ECHDC1: variants seen among roughly 807,000 people sequenced by gnomAD.
The protein encoded by ECHDC1 is ethylmalonyl-CoA decarboxylase 1.
In ECHDC1, 29 loss-of-function variants were observed where a neutral mutation model predicts 29.7. The observed-to-expected ratio is 0.98, with a 90% CI of 0.73 to 1.33. ECHDC1 has a LOEUF of 1.33. Among genes scored for constraint, ECHDC1 ranks in the 40% most tolerant of loss-of-function variants. ECHDC1 has a pLI of 0.00. For synonymous variants in ECHDC1, 126 were observed against 123.1 expected (o/e 1.02, Z -0.15); for missense variants, 328 against 350.0 (o/e 0.94, Z 0.50).
intron 3 of ECHDC1, among the ~76,000 whole-genome samples, chr6:127,324,802 G>C (rs1360480937): frequency 6.6e-6 from 1 of 152,090 alleles, no homozygotes; most frequent in Non-Finnish European, 1.5e-5. Flanking sequence ...GCAACAAAAT[G>C]AATAATGCAT....
intron 3 of ECHDC1, among the ~76,000 whole-genome samples, chr6:127,325,580 C>T (rs914024255): frequency 6.6e-6 from 1 of 152,060 alleles, no homozygotes; most frequent in Non-Finnish European, 1.5e-5. Context: ...TTTCCTCCCA[C>T]CCCTTTTATT....
Position 127,290,258 on chromosome 6 carries a change from T to G in ECHDC1, c.517A>C (p.Lys173Gln). The change falls in exon 6 of 6, where the codon AAG (lysine) becomes CAG (glutamine). Residue 173 changes from lysine to glutamine, a missense_variant. Coordinates refer to ENST00000454859, the MANE Select transcript of ECHDC1 (RefSeq NM_001002030.2). ...ATCTCTTTGTGGACGAATCTGATCT[T>G]ACTCTCTGGAGTCATTAACCTGTAA... ...CDFRLMTPES[K>Q]IRFVHKEMGI... is the part of the protein sequence containing the mutation. 6.2e-7 allele frequency: 1 copy of G among 1,613,222 alleles called. No individual in the cohort carries two copies. Among genetic ancestry groups the G allele is most frequent in the Non-Finnish European group, 8.5e-7 (1 of 1,179,518 alleles).
intron 1 of ECHDC1, among the ~76,000 whole-genome samples, chr6:127,335,936 C>T (rs1167077063): frequency 4.6e-5 from 7 of 151,978 alleles, no homozygotes; most frequent in East Asian, 1.9e-4. Flanking sequence ...GAAAATGATA[C>T]GGTATTAACT....
chr6:127,319,826 TAAG>T (rs1421822599), intron 3 of ECHDC1, among the ~76,000 whole-genome samples: 1 of 152,114 alleles, frequency 6.6e-6, no homozygotes, highest in Non-Finnish European at 1.5e-5. Flanking sequence ...AAAACAAGGA[TAAG>T]AAGAACAATG....
chr6:127,317,100 A>G (rs1363530735), intron 3 of ECHDC1, among the ~76,000 whole-genome samples: 1 of 151,996 alleles, frequency 6.6e-6, no homozygotes. Context: ...AAATTAAATG[A>G]CTTTTCCTTA....
intron 5 of ECHDC1, among the ~76,000 whole-genome samples, chr6:127,314,344 A>G (rs1001749447): frequency 2.0e-5 from 3 of 152,188 alleles, no homozygotes; most frequent in Non-Finnish European, 4.4e-5. Context: ...TTAGTCCCTA[A>G]TCTTCCTGAA....
At chr6:127,304,202 G>C (rs923319856) in intron 5 of ECHDC1, among the ~76,000 whole-genome samples, 2 of 152,188 alleles carry the variant, frequency 1.3e-5, no homozygotes, top group Non-Finnish European at 2.9e-5. Context: ...CAGAGAGAGA[G>C]AGAGATGTCA....
At chr6:127,303,379 C>T (rs1302269340) in intron 5 of ECHDC1, among the ~76,000 whole-genome samples, 1 of 152,110 alleles carries the variant, frequency 6.6e-6, no homozygotes, top group Non-Finnish European at 1.5e-5. Flanking sequence ...AGTGCTAATC[C>T]AGTGAACACA....
intron 5 of ECHDC1, among the ~76,000 whole-genome samples, chr6:127,306,730 C>T (rs570003414): frequency 6.6e-6 from 1 of 152,162 alleles, no homozygotes; most frequent in South Asian, 2.1e-4. Flanking sequence ...TTCTTTATAG[C>T]AATGCAAGAA....
At position 127,341,312 on chromosome 6, in the gene ECHDC1, G is replaced by A. The variant is rs1015295334; in HGVS notation, c.-3+2024C>T. On this transcript the variant is annotated intron_variant, in intron 1 of 5. Coordinates refer to ENST00000454859, the MANE Select transcript of ECHDC1 (RefSeq NM_001002030.2). Reference sequence around the variant, plus strand: ...ATAATAGCCTATTATGTACACTTTCGTCCCAGTTCTAAATTCAGAGACTAT... The same window carrying A: ...ATAATAGCCTATTATGTACACTTTCATCCCAGTTCTAAATTCAGAGACTAT... Among the ~76,000 whole-genome samples, 10 of 152,018 alleles carry A rather than the reference G, an allele frequency of 6.6e-5. 1 individual carries two copies. Among genetic ancestry groups the A allele is most frequent in the Admixed American group, 2.0e-4 (3 of 15,268 alleles).
chr6:127,303,494 A>T (rs1441442446), intron 5 of ECHDC1, among the ~76,000 whole-genome samples: 1 of 152,216 alleles, frequency 6.6e-6, no homozygotes, highest in Non-Finnish European at 1.5e-5. Context: ...GCCAAAGGCT[A>T]ATCCAGAACA....
At chr6:127,309,750 G>A (rs1400079617) in intron 5 of ECHDC1, among the ~76,000 whole-genome samples, 1 of 152,198 alleles carries the variant, frequency 6.6e-6, no homozygotes, top group Admixed American at 6.6e-5. Context: ...CAGATTGTAT[G>A]GGAAGCATGG....
At position 127,314,886 on chromosome 6, in the gene ECHDC1, T is replaced by C. The variant is rs780555626; in HGVS notation, c.427A>G (p.Ile143Val). 2.4e-5 allele frequency: 39 copies of C among 1,611,730 alleles called. No homozygotes were observed. In the East Asian group the frequency reaches 6.9e-4, roughly 29 times the overall value. ...TLTRFMRLPLISVALVQGWAL... is the reference protein window; with the variant it reads ...TLTRFMRLPLVSVALVQGWAL... ...CAACCTTGAACCAGCGCAACACTTA[T>C]TAAAGGAAGTCTGTATATTGAAGAA... Residue 143 changes from isoleucine to valine, a missense_variant, in exon 5 of 6, where the codon ATA (isoleucine) becomes GTA (valine). Physicochemically the swap from Ile to Val is conservative, Grantham distance 29. Coordinates refer to ENST00000454859, the MANE Select transcript of ECHDC1 (RefSeq NM_001002030.2).
chr6:127,289,768 A>T lies in ECHDC1; in HGVS notation c.*101T>A. 10 of 1,181,688 alleles carry T rather than the reference A, an allele frequency of 8.5e-6. No homozygotes were observed. Among genetic ancestry groups the T allele is most frequent in the Non-Finnish European group, 1.2e-5 (10 of 854,082 alleles). The allele number at this position is 1,181,688 out of a possible 1,614,324, so 73.2% of individuals were successfully genotyped here. On this transcript the variant is annotated 3_prime_UTR_variant, in exon 6 of 6. Transcript: ENST00000454859. ...AAAAGTAAGTCTGCATATTAATAGT[A>T]GCCTTCAAAGTAATTCTGATGTTCA... is the stretch of plus-strand genomic sequence containing the variant.
At chr6:127,331,195 T>A (rs1783912184) in intron 1 of ECHDC1, among the ~76,000 whole-genome samples, 165 bp from the exon 2 acceptor site, 1 of 151,006 alleles carries the variant, frequency 6.6e-6, no homozygotes, top group East Asian at 1.9e-4. Flanking sequence ...TTGCCCAGGC[T>A]GGAGTACAGT....
chr6:127,335,829 G>A (rs1395760629), intron 1 of ECHDC1, among the ~76,000 whole-genome samples: 1 of 152,020 alleles, frequency 6.6e-6, no homozygotes, highest in African/African-American at 2.4e-5. Context: ...ATACTTTAAT[G>A]TCTTCATCTA....
At chr6:127,316,989 C>CT (rs1260511658) in intron 3 of ECHDC1, among the ~76,000 whole-genome samples, 4 of 151,836 alleles carry the variant, frequency 2.6e-5, no homozygotes, top group African/African-American at 7.3e-5. Flanking sequence ...ATTGCCTTGT[C>CT]TTTTTTTTAG....
chr6:127,291,604 T>C (rs1780192295), intron 5 of ECHDC1, among the ~76,000 whole-genome samples: 1 of 152,182 alleles, frequency 6.6e-6, no homozygotes, highest in South Asian at 2.1e-4. Context: ...TAAACGCCCA[T>C]GCGTTTTATT....
chr6:127,330,218 C>T (rs1391007903), intron 2 of ECHDC1, among the ~76,000 whole-genome samples: 1 of 152,124 alleles, frequency 6.6e-6, no homozygotes, highest in Admixed American at 6.5e-5. Context: ...TGTCCTGCAT[C>T]TTCAGTTCTC....
Sources: gnomAD v4.1 joint callset for allele counts (sites outside exome capture counted in the v4.1 genomes callset) on GRCh38, gnomAD v4.1.1 for gene constraint, MANE v1.5 for transcripts, NCBI Gene and HGNC (gene_info 2026-07-23, HGNC 2026-07-21) for gene names.